TBX15: variants seen among roughly 807,000 people sequenced by gnomAD.
TBX15 encodes T-box transcription factor 15.
A neutral mutation model predicts 53.9 loss-of-function variants in TBX15; 18 were observed. The ratio of observed to expected loss-of-function variants is 0.33; its 90% CI spans 0.23 to 0.49. TBX15 has a LOEUF of 0.49. Ranked by LOEUF, TBX15 falls within the 20% of genes least tolerant of loss-of-function variation. TBX15 has a pLI of 0.98. For synonymous variants in TBX15, 295 were observed against 278.0 expected (o/e 1.06, Z -0.61); for missense variants, 692 against 749.5 (o/e 0.92, Z 0.90).
chr1:118,960,864 T>C (rs561159961), intron 1 of TBX15, among the ~76,000 whole-genome samples: 60 of 152,098 alleles, frequency 3.9e-4, no homozygotes, highest in Admixed American at 7.9e-4. Context: ...TGGCTCAAAG[T>C]GCAATTTAAT....
At chr1:118,924,575 CTG>C in intron 4 of TBX15, 69 bp downstream of exon 4, 2 of 1,585,944 alleles carry the variant, frequency 1.3e-6, no homozygotes. Context: ...TTGAAAAAGA[CTG>C]GGGCTAGCCA....
At chr1:118,899,861 C>T (rs569535055) in intron 6 of TBX15, among the ~76,000 whole-genome samples, 12 of 152,144 alleles carry the variant, frequency 7.9e-5, no homozygotes, top group Non-Finnish European at 1.2e-4. Flanking sequence ...CAACATTTTA[C>T]GAGTACATTC....
At chr1:118,901,374 C>T (rs1275612586) in intron 6 of TBX15, 1 of 456,624 alleles carries the variant, frequency 2.2e-6, no homozygotes, top group South Asian at 1.5e-5. Flanking sequence ...TGGGGCACAG[C>T]TCTCAGAGCC....
At chr1:118,912,096 A>G (rs1324670966) in intron 6 of TBX15, among the ~76,000 whole-genome samples, 1 of 152,240 alleles carries the variant, frequency 6.6e-6, no homozygotes, top group East Asian at 1.9e-4. Flanking sequence ...TCAACTTTAG[A>G]AAAACGAATA....
At chr1:118,984,398 C>A (rs1022698751) in intron 1 of TBX15, among the ~76,000 whole-genome samples, 5 of 152,236 alleles carry the variant, frequency 3.3e-5, no homozygotes, top group African/African-American at 1.2e-4. Flanking sequence ...CAGCACTTAG[C>A]AGAAGATTTT....
chr1:118,905,594 G>A (rs1010966568), intron 6 of TBX15, among the ~76,000 whole-genome samples: 8 of 152,240 alleles, frequency 5.3e-5, no homozygotes, highest in Admixed American at 4.6e-4. Flanking sequence ...TGTAGATGCA[G>A]TAGTGCCTGC....
chr1:118,929,117 T>C (rs1655697867), intron 2 of TBX15, among the ~76,000 whole-genome samples: 1 of 152,232 alleles, frequency 6.6e-6, no homozygotes, highest in African/African-American at 2.4e-5. Context: ...TTCTTTTGTC[T>C]TCTAAACCCA....
At chr1:118,982,179 C>T (rs1326955272) in intron 1 of TBX15, among the ~76,000 whole-genome samples, 2 of 152,136 alleles carry the variant, frequency 1.3e-5, no homozygotes, top group African/African-American at 4.8e-5. Context: ...TGCCCTTTAT[C>T]CCTGTGGAAT....
intron 1 of TBX15, among the ~76,000 whole-genome samples, chr1:118,932,365 A>G (rs1443160567): frequency 6.6e-6 from 1 of 152,188 alleles, no homozygotes. Flanking sequence ...ATGGCCATCA[A>G]AAGTAATGAA....
chr1:118,915,554 G>A (rs1386018723), intron 5 of TBX15, among the ~76,000 whole-genome samples: 5 of 152,156 alleles, frequency 3.3e-5, no homozygotes, highest in African/African-American at 1.2e-4. Context: ...GTATTTTATA[G>A]ACCATAGCAG....
intron 3 of TBX15, 127 bp from the exon 4 acceptor site, chr1:118,924,944 G>A: frequency 9.9e-7 from 1 of 1,010,918 alleles, no homozygotes; most frequent in East Asian, 2.4e-5. Flanking sequence ...AGAAGTAATG[G>A]GAAAGAAACA....
At chr1:118,952,687 A>G (rs1656554744) in intron 1 of TBX15, among the ~76,000 whole-genome samples, 1 of 152,234 alleles carries the variant, frequency 6.6e-6, no homozygotes, top group Admixed American at 6.5e-5. Flanking sequence ...TGCATAAAGT[A>G]TGGCTAAACT....
At chr1:118,955,559 A>G (rs1417621307) in intron 1 of TBX15, among the ~76,000 whole-genome samples, 8 of 152,218 alleles carry the variant, frequency 5.3e-5, no homozygotes, top group African/African-American at 1.9e-4. Flanking sequence ...ATTCAGCCAG[A>G]AGAAAACCTT....
chr1:118,908,097 T>C (rs1164195335), intron 6 of TBX15, among the ~76,000 whole-genome samples: 1 of 152,206 alleles, frequency 6.6e-6, no homozygotes, highest in Non-Finnish European at 1.5e-5. Context: ...TCCCTCCTTA[T>C]GTGGTGTTCA....
intron 1 of TBX15, among the ~76,000 whole-genome samples, chr1:118,947,557 C>G (rs1042924439): frequency 6.6e-5 from 10 of 152,152 alleles, no homozygotes; most frequent in African/African-American, 2.4e-4. Context: ...GAGAAGGAAT[C>G]CTACTGCTTA....
chr1:118,956,247 T>C (rs1289552630), intron 1 of TBX15, among the ~76,000 whole-genome samples: 1 of 152,124 alleles, frequency 6.6e-6, no homozygotes, highest in African/African-American at 2.4e-5. Flanking sequence ...ACTAAGACAA[T>C]AATCTTGAAT....
At chr1:118,954,317 T>C (rs751829293) in intron 1 of TBX15, among the ~76,000 whole-genome samples, 2 of 152,164 alleles carry the variant, frequency 1.3e-5, no homozygotes, top group Non-Finnish European at 2.9e-5. Flanking sequence ...TCCAATGATA[T>C]TGAATACAAC....
At chr1:118,906,988 C>A (rs1393204389) in intron 6 of TBX15, among the ~76,000 whole-genome samples, 1 of 152,198 alleles carries the variant, frequency 6.6e-6, no homozygotes, top group Non-Finnish European at 1.5e-5. Flanking sequence ...GCCACTGGCT[C>A]CTTTCTGACA....
At chr1:118,931,859 G>C (rs1257603499) in intron 1 of TBX15, 27 bp from the exon 2 acceptor site, 3 of 1,549,960 alleles carry the variant, frequency 1.9e-6, no homozygotes, top group Middle Eastern at 1.9e-4. Flanking sequence ...CAAGCCTTAG[G>C]TGAGAAACTG....
Sources: gnomAD v4.1 joint callset for allele counts (sites outside exome capture counted in the v4.1 genomes callset) on GRCh38, gnomAD v4.1.1 for gene constraint, MANE v1.5 for transcripts, NCBI Gene and HGNC (gene_info 2026-07-23, HGNC 2026-07-21) for gene names.